BAIAP2: variants seen among roughly 807,000 people sequenced by gnomAD.
BAIAP2 encodes the protein BAR/IMD domain containing adaptor protein 2.
BAIAP2 carries 18 observed loss-of-function variants against 63.0 expected under a neutral mutation model. The observed-to-expected ratio is 0.29, with a 90% CI of 0.20 to 0.42. BAIAP2 has a LOEUF of 0.42. Among genes scored for constraint, BAIAP2 ranks in the 10% least tolerant of loss-of-function variants. BAIAP2 has a pLI of 1.00. For missense variants in BAIAP2, 610 were observed against 734.3 expected (o/e 0.83, Z 1.96); for synonymous variants, 386 against 307.6 (o/e 1.25, Z -2.67).
intron 6 of BAIAP2, among the ~76,000 whole-genome samples, chr17:81,088,867 C>A (rs1164071903): frequency 6.6e-6 from 1 of 152,208 alleles, no homozygotes; most frequent in African/African-American, 2.4e-5. Context: ...TAGGGCCGGA[C>A]AAAGGCAGAG....
chr17:81,108,974 C>T lies in BAIAP2; in HGVS notation c.1535+465C>T, dbSNP rs142856268. The T allele has an allele frequency of 2.5e-3, 3,804 of 1,548,438 alleles. 7 individuals carry two copies. The highest frequency in any genetic ancestry group is 3.0e-3 in the Non-Finnish European group (3,462 of 1,146,388). The stretch of plus-strand genomic sequence containing the variant: ...CCTGTGCTTTGTTTCACAGTGGCAG[C>T]GGCACGCTGGTGTCCACAGTGTGAG... On this transcript the variant is annotated intron_variant, in intron 13 of 13. Coordinates refer to ENST00000428708, the MANE Select transcript of BAIAP2 (RefSeq NM_001144888.2).
chr17:81,115,423 G>A (rs2060423918), intron 13 of BAIAP2, among the ~76,000 whole-genome samples: 1 of 152,236 alleles, frequency 6.6e-6, no homozygotes, highest in Admixed American at 6.5e-5. Context: ...TGAATCCCCA[G>A]CCTCAGTGGT....
chr17:81,097,924 A>G (rs926224376), intron 6 of BAIAP2, among the ~76,000 whole-genome samples: 2 of 152,022 alleles, frequency 1.3e-5, no homozygotes, highest in African/African-American at 2.4e-5. Flanking sequence ...AGCCTACAAA[A>G]CCGGAGAGCC....
chr17:81,085,269 G>C (rs1016272512), intron 4 of BAIAP2: 1 of 498,442 alleles, frequency 2.0e-6, no homozygotes, highest in African/African-American at 1.9e-5. Flanking sequence ...GTTGCTGGCG[G>C]CTGGTTTGCA....
chr17:81,094,195 A>G (rs1219730843), intron 6 of BAIAP2, among the ~76,000 whole-genome samples: 1 of 152,106 alleles, frequency 6.6e-6, no homozygotes, highest in East Asian at 1.9e-4. Flanking sequence ...CATCTTGCCA[A>G]CCCTTTGCTG....
At position 81,116,826 on chromosome 17, in the gene BAIAP2, G is replaced by C. The variant is rs1425512020; in HGVS notation, c.*987G>C. The C allele has an allele frequency of 6.3e-6, 1 of 158,028 alleles. No homozygotes were observed. The highest frequency in any genetic ancestry group is 1.4e-5 in the Non-Finnish European group (1 of 71,088). 9.8% of individuals were successfully genotyped at this position (158,028 alleles called of 1,614,324 possible). ...CCTGGCTGGGGAGGTGTCTCCAGCA[G>C]AGCTCACTCCCGCCTACAGCCACTC... On this transcript the variant is annotated 3_prime_UTR_variant, in exon 14 of 14. Coordinates refer to ENST00000428708, the MANE Select transcript of BAIAP2 (RefSeq NM_001144888.2).
chr17:81,062,271 C>G lies in BAIAP2; in HGVS notation c.217+4304C>G, dbSNP rs554603837. ...CAGATCTGTAATAGTGTTTTTAGAA[C>G]AAAAGTATTTAATTTTAATGTAGTT... On this transcript the variant is annotated intron_variant, in intron 3 of 13. Transcript: ENST00000428708. 4.6e-5 allele frequency among the ~76,000 whole-genome samples: 7 copies of G among 151,358 alleles called. No homozygotes were observed. In the South Asian group the frequency reaches 1.5e-3, roughly 32 times the overall value.
intron 3 of BAIAP2, among the ~76,000 whole-genome samples, chr17:81,073,896 G>A (rs918703234): frequency 5.9e-5 from 9 of 152,322 alleles, no homozygotes; most frequent in South Asian, 2.1e-4. Flanking sequence ...GTTCCTTGTC[G>A]CTCACGGTTA....
rs768668264 is a variant in BAIAP2, at chr17:81,057,979, C to A, written c.217+12C>A. On this transcript the variant is annotated intron_variant, in intron 3 of 13. Coordinates refer to ENST00000428708, the MANE Select transcript of BAIAP2 (RefSeq NM_001144888.2). Reference sequence around the variant, plus strand: ...CTCCAAAGAACTCGGTGAGACCCCCCCCCCCCCCCCGCCTGGTAGTCGCCT... The same window carrying A: ...CTCCAAAGAACTCGGTGAGACCCCCACCCCCCCCCCGCCTGGTAGTCGCCT... 329 of 1,084,546 alleles carry A rather than the reference C, an allele frequency of 3.0e-4. 14 individuals are homozygous for A. The African/African-American group carries it at 5.9e-3, about 19-fold the overall frequency. The allele number at this position is 1,084,546 out of a possible 1,614,324, so 67.2% of individuals were successfully genotyped here.
intron 3 of BAIAP2, among the ~76,000 whole-genome samples, chr17:81,073,883 C>T (rs2053153066): frequency 6.6e-6 from 1 of 152,214 alleles, no homozygotes; most frequent in Non-Finnish European, 1.5e-5. Context: ...CTGGCAGGCG[C>T]CAGTTCCTTG....
chr17:81,115,355 T>A (rs2060414226), intron 13 of BAIAP2, among the ~76,000 whole-genome samples: 1 of 152,332 alleles, frequency 6.6e-6, no homozygotes, highest in Non-Finnish European at 1.5e-5. Flanking sequence ...TCCCTGGGTG[T>A]GGGCCTGGCC....
At chr17:81,041,729 C>G (rs933854162) in intron 1 of BAIAP2, among the ~76,000 whole-genome samples, 1 of 152,018 alleles carries the variant, frequency 6.6e-6, no homozygotes, top group Non-Finnish European at 1.5e-5. Context: ...CATGCGCCAC[C>G]ACGCCTGGCT....
rs1300055213 is a variant in BAIAP2, at chr17:81,104,496, T to C, written c.1067-18T>C. ...GCCAGCCAGGGGCAGTCCCCTTACC[T>C]GTCCCTTGTCCCAGCAGCCGAGAAC... On this transcript the variant is annotated intron_variant, in intron 9 of 13. Coordinates refer to ENST00000428708, the MANE Select transcript of BAIAP2 (RefSeq NM_001144888.2). 2 of 1,578,196 alleles carry C rather than the reference T, an allele frequency of 1.3e-6. No individual in the cohort carries two copies. The highest frequency in any genetic ancestry group is 1.3e-5 in the African/African-American group (1 of 74,558).
intron 6 of BAIAP2, among the ~76,000 whole-genome samples, chr17:81,094,101 G>T (rs56982120): frequency 6.6e-6 from 1 of 152,026 alleles, no homozygotes. Flanking sequence ...TGTCCCCGGG[G>T]CCAGGGCAGC....
chr17:81,047,805 A>T (rs869290357), intron 1 of BAIAP2, among the ~76,000 whole-genome samples: 1 of 151,942 alleles, frequency 6.6e-6, no homozygotes, highest in South Asian at 2.1e-4. Context: ...CACAGCACAC[A>T]CAGGGGTCCA....
chr17:81,051,405 TTATG>T (rs1324262688), intron 1 of BAIAP2, among the ~76,000 whole-genome samples: 6 of 152,152 alleles, frequency 3.9e-5, no homozygotes, highest in Non-Finnish European at 7.4e-5. Context: ...TTTTTTGTAT[TTATG>T]TATTTTTTTG....
Position 81,103,672 on chromosome 17 carries a change from T to C in BAIAP2, c.813T>C (p.Ile271=), listed in dbSNP as rs1163383475. The change falls in exon 8 of 14, where the codon ATT becomes ATC. Residue 271 remains isoleucine (I), a synonymous_variant. Coordinates refer to ENST00000428708, the MANE Select transcript of BAIAP2 (RefSeq NM_001144888.2). ...SKSNLVISDP[I]PGAKPLPVPP... ...CCAACCTGGTCATTTCCGACCCCAT[T>C]CCGGGGGCCAAGCCCCTGCCGGTGC... 6.3e-7 allele frequency: 1 copy of C among 1,597,594 alleles called. No homozygotes were observed. The highest frequency in any genetic ancestry group is 1.7e-5 in the Admixed American group (1 of 59,228).
In BAIAP2 at chr17:81,052,409, C is replaced by G. The variant is rs183920643; in HGVS notation, c.55-1259C>G. On this transcript the variant is annotated intron_variant, in intron 1 of 13. Coordinates refer to ENST00000428708, the MANE Select transcript of BAIAP2 (RefSeq NM_001144888.2). ...CCTCTGGGCTAGCACGCAAAGGCGCCCTCACCCTTGCTGCGTCCTGGAAGG... is the reference window on the plus strand; with the variant it reads ...CCTCTGGGCTAGCACGCAAAGGCGCGCTCACCCTTGCTGCGTCCTGGAAGG... Among the ~76,000 whole-genome samples the G allele has an allele frequency of 3.5e-3, 537 of 152,350 alleles. 7 individuals are homozygous for G. Among genetic ancestry groups the G allele is most frequent in the African/African-American group, 0.012 (516 of 41,590 alleles).
At chr17:81,047,805 AC>A (rs5822387) in intron 1 of BAIAP2, among the ~76,000 whole-genome samples, 115,388 of 152,024 alleles carry the variant, frequency 0.76, 43,971 homozygotes, top group Middle Eastern at 0.8. Flanking sequence ...CACAGCACAC[AC>A]AGGGGTCCAC....
Sources: gnomAD v4.1 joint callset for allele counts (sites outside exome capture counted in the v4.1 genomes callset) on GRCh38, gnomAD v4.1.1 for gene constraint, MANE v1.5 for transcripts, NCBI Gene and HGNC (gene_info 2026-07-23, HGNC 2026-07-21) for gene names.